Variants in EPHA3 observed in about 807,000 individuals in gnomAD.
The protein encoded by EPHA3 is EPH receptor A3.
EPHA3 carries 42 observed loss-of-function variants against 107.1 expected under a neutral mutation model. That is an observed-to-expected ratio of 0.39 (90% CI 0.31 to 0.51). The LOEUF (loss-of-function observed/expected upper bound fraction) is 0.51, where lower values mean the gene tolerates loss of function less well. EPHA3 is among the 20% of genes least tolerant of loss of function. The pLI is 0.78. For missense variants in EPHA3, 1,183 were observed against 1,211.2 expected (o/e 0.98, Z 0.35); for synonymous variants, 461 against 424.8 (o/e 1.09, Z -1.05).
chr3:89,163,126 A>G (rs945192769), intron 2 of EPHA3, among the ~76,000 whole-genome samples: 2 of 152,200 alleles, frequency 1.3e-5, no homozygotes, highest in Non-Finnish European at 1.5e-5. Flanking sequence ...ATTCACACCT[A>G]AACTTGAACC....
chr3:89,264,748 T>C (rs1705497785), intron 3 of EPHA3, among the ~76,000 whole-genome samples: 1 of 152,124 alleles, frequency 6.6e-6, no homozygotes, highest in Admixed American at 6.6e-5. Flanking sequence ...GAAATATTTA[T>C]TGAATCAATA....
At chr3:89,436,104 G>A (rs1018213480) in intron 13 of EPHA3, among the ~76,000 whole-genome samples, 1 of 151,768 alleles carries the variant, frequency 6.6e-6, no homozygotes, top group African/African-American at 2.4e-5. Flanking sequence ...CCTGGGGATG[G>A]AGCAGGACCC....
chr3:89,211,790 T>A (rs879341612), intron 3 of EPHA3, among the ~76,000 whole-genome samples: 3 of 123,070 alleles, frequency 2.4e-5, no homozygotes, highest in Non-Finnish European at 5.0e-5. Flanking sequence ...TTCTTCTTCT[T>A]CTTCTTCTTC....
chr3:89,108,121 C>T (rs1043257307), intron 1 of EPHA3, among the ~76,000 whole-genome samples: 12 of 152,146 alleles, frequency 7.9e-5, no homozygotes, highest in African/African-American at 2.7e-4. Context: ...GAAAATCCTC[C>T]AGCGTTGCAA....
intron 5 of EPHA3, among the ~76,000 whole-genome samples, chr3:89,357,985 A>G (rs1238948252): frequency 3.3e-5 from 5 of 151,274 alleles, no homozygotes; most frequent in African/African-American, 1.2e-4. Flanking sequence ...CTAGAAGAAG[A>G]ACTAGGTTTT....
intron 3 of EPHA3, among the ~76,000 whole-genome samples, chr3:89,240,738 A>G (rs1386629697): frequency 3.3e-5 from 5 of 152,022 alleles, no homozygotes; most frequent in Non-Finnish European, 7.4e-5. Flanking sequence ...ACTATAGAAA[A>G]ATAATATTAA....
intron 2 of EPHA3, among the ~76,000 whole-genome samples, chr3:89,200,658 GC>G (rs1312679660): frequency 1.6e-4 from 25 of 152,304 alleles, no homozygotes; most frequent in Admixed American, 1.4e-3. Context: ...GTATGCCAGG[GC>G]CTTGAATAAG....
intron 3 of EPHA3, among the ~76,000 whole-genome samples, chr3:89,268,343 T>A (rs1705585639): frequency 1.3e-5 from 2 of 152,132 alleles, no homozygotes; most frequent in South Asian, 4.1e-4. Context: ...CCTAATGCTA[T>A]TGCTGATGAA....
chr3:89,402,790 G>GC (rs1444230491), intron 7 of EPHA3, among the ~76,000 whole-genome samples: 2 of 152,090 alleles, frequency 1.3e-5, no homozygotes, highest in Non-Finnish European at 2.9e-5. Context: ...CCGCCTCCTG[G>GC]GTTCAAGCGA....
Position 89,162,349 on chromosome 3 carries a change from A to G in EPHA3, c.153+35076A>G, listed in dbSNP as rs1704967931. On this transcript the variant is annotated intron_variant, in intron 2 of 16. Coordinates refer to ENST00000336596, the MANE Select transcript of EPHA3 (RefSeq NM_005233.6). Reference sequence around the variant, plus strand: ...AAATAAAGTACCTTATTAATTAATAATGTCCAAATAATCTATTTCAGCCAT... The same window carrying G: ...AAATAAAGTACCTTATTAATTAATAGTGTCCAAATAATCTATTTCAGCCAT... 2.0e-5 allele frequency among the ~76,000 whole-genome samples: 3 copies of G among 152,192 alleles called. No homozygotes were observed. The South Asian group carries it at 6.2e-4, about 31-fold the overall frequency.
At chr3:89,370,165 C>G (rs1203166563) in intron 5 of EPHA3, among the ~76,000 whole-genome samples, 1 of 150,718 alleles carries the variant, frequency 6.6e-6, no homozygotes, top group African/African-American at 2.4e-5. Flanking sequence ...GGGTATATAC[C>G]CAAAGGACTA....
intron 2 of EPHA3, among the ~76,000 whole-genome samples, chr3:89,130,693 G>A (rs2106984792): frequency 6.7e-6 from 1 of 149,362 alleles, no homozygotes; most frequent in African/African-American, 2.5e-5. Flanking sequence ...GGAGCGCTGT[G>A]GCGCGATCTC....
chr3:89,317,776 T>TA (rs1220170141), intron 3 of EPHA3, among the ~76,000 whole-genome samples: 2 of 151,742 alleles, frequency 1.3e-5, no homozygotes, highest in African/African-American at 2.4e-5. Flanking sequence ...ATTTTTACAA[T>TA]AAAAAAGTTA....
intron 3 of EPHA3, among the ~76,000 whole-genome samples, chr3:89,273,467 G>A (rs776067318): frequency 4.6e-5 from 7 of 151,780 alleles, no homozygotes; most frequent in Non-Finnish European, 8.8e-5. Context: ...ATCTAACTTC[G>A]AAGAGAGTTT....
chr3:89,136,289 A>G (rs1056565998), intron 2 of EPHA3, among the ~76,000 whole-genome samples: 10 of 132,174 alleles, frequency 7.6e-5, no homozygotes, highest in Admixed American at 2.5e-4. Context: ...TCAAGGAAGG[A>G]TGTCTGATTA....
intron 2 of EPHA3, among the ~76,000 whole-genome samples, chr3:89,134,464 G>A (rs1419457860): frequency 2.6e-5 from 4 of 151,998 alleles, no homozygotes; most frequent in African/African-American, 7.2e-5. Context: ...GAGAACGTGC[G>A]ATGTTTGGTT....
chr3:89,304,484 C>A (rs1205460528), intron 3 of EPHA3, among the ~76,000 whole-genome samples: 2 of 151,876 alleles, frequency 1.3e-5, no homozygotes, highest in African/African-American at 4.8e-5. Flanking sequence ...GCACACTAGA[C>A]CCCTTGATGT....
chr3:89,365,403 AC>A (rs1708168063), intron 5 of EPHA3, among the ~76,000 whole-genome samples: 1 of 150,614 alleles, frequency 6.6e-6, no homozygotes, highest in African/African-American at 2.4e-5. Flanking sequence ...ACACACACTT[AC>A]ATTTCCAAAC....
In EPHA3 at chr3:89,407,305, T is replaced by C. The variant is rs1709074087; in HGVS notation, c.1631T>C (p.Met544Thr). ...TCTGGTGAAAGTAGCCAAGTGGTCATGATCGCCATTTCAGCGGCAGTAGCA... is the reference window on the plus strand; with the variant it reads ...TCTGGTGAAAGTAGCCAAGTGGTCACGATCGCCATTTCAGCGGCAGTAGCA... ...SISGESSQVV[M>T]IAISAAVAII... The change falls in exon 8 of 17, where the codon ATG becomes ACG. Residue 544 changes from methionine (M) to threonine (T), a missense_variant. Transcript: ENST00000336596. 11 of 1,613,684 alleles carry C rather than the reference T, an allele frequency of 6.8e-6. No homozygotes were observed. In the East Asian group the frequency reaches 2.2e-4, roughly 33 times the overall value.
Sources: allele counts gnomAD v4.1 joint callset (sites outside exome capture counted in the v4.1 genomes callset), GRCh38; gene constraint gnomAD v4.1.1; transcripts MANE v1.5; gene names NCBI Gene and HGNC (gene_info 2026-07-23, HGNC 2026-07-21).